The following ABCC6 variants were observed in gnomAD, a reference collection of about 807,000 sequenced individuals.
ABCC6 encodes the protein ATP binding cassette subfamily C member 6, also known as ATP-binding cassette sub-family C member 6.
In ABCC6, 126 loss-of-function variants were observed where a neutral mutation model predicts 169.5. That is an observed-to-expected ratio of 0.74 (90% CI 0.64 to 0.86). The LOEUF (loss-of-function observed/expected upper bound fraction) is 0.86. Ranked by LOEUF, ABCC6 falls within the 40% of genes least tolerant of loss-of-function variation. The pLI, the probability that ABCC6 is intolerant of heterozygous loss-of-function variation, is 0.00. For missense variants in ABCC6, 1,733 were observed against 1,927.2 expected (o/e 0.90, Z 1.89); for synonymous variants, 752 against 814.7 (o/e 0.92, Z 1.31).
Position 16,165,647 on chromosome 16 carries a change from C to T in ABCC6, c.3282G>A (p.Leu1094=), listed in dbSNP as rs755301606. The T allele has an allele frequency of 5.0e-6, 8 of 1,612,920 alleles. No homozygotes were observed. The highest frequency in any genetic ancestry group is 4.0e-5 in the African/African-American group (3 of 75,058). Residue 1094 remains leucine (L), a synonymous_variant, in exon 23 of 31, where the codon CTG becomes CTA. Coordinates refer to ENST00000205557, the MANE Select transcript of ABCC6 (RefSeq NM_001171.6). ...CCTGAAACCCAGCGTAGAGGAGAAACAGTGGCAGGATGGCCACAGTGGCCA... is the reference window on the plus strand; with the variant it reads ...CCTGAAACCCAGCGTAGAGGAGAAATAGTGGCAGGATGGCCACAGTGGCCA... ...TPLATVAILP[L]FLLYAGFQSL... is the part of the protein sequence containing the mutation.
rs1356010293 is a variant in ABCC6, at chr16:16,190,337, C to T, written c.1462G>A (p.Ala488Thr). 5.0e-6 allele frequency: 8 copies of T among 1,614,040 alleles called. No individual in the cohort carries two copies. The Admixed American group carries it at 1.3e-4, about 27-fold the overall frequency. The change falls in exon 12 of 31, where the codon GCA (alanine) becomes ACA (threonine). Residue 488 changes from alanine (A) to threonine (T), a missense_variant. By Grantham distance (58) the Ala-to-Thr change is moderately conservative (BLOSUM62 0). Transcript: ENST00000205557. The stretch of plus-strand genomic sequence containing the variant: ...CTGAGGATAGAGCTGGTGAGCCGTG[C>T]CCGTGAGTCCTTCTGCCTCATTTGC... ...EEQMRQKDSR[A>T]RLTSSILRNS...
chr16:16,172,891 C>T (rs980418921), intron 21 of ABCC6, among the ~76,000 whole-genome samples: 4 of 151,824 alleles, frequency 2.6e-5, no homozygotes, highest in Non-Finnish European at 5.9e-5. Context: ...AAAATACAAA[C>T]ATTAGCTGGG....
intron 27 of ABCC6, chr16:16,155,281 CT>C: frequency 1.7e-6 from 1 of 587,400 alleles, no homozygotes; most frequent in Non-Finnish European, 3.0e-6. Flanking sequence ...CCCACCCTTC[CT>C]TTAGTTCCTC....
In ABCC6 at chr16:16,161,383, G is replaced by A. The variant is rs3213470; in HGVS notation, c.3633+55C>T. On this transcript the variant is annotated intron_variant, in intron 25 of 30. Transcript: ENST00000205557. ...TCAAAGGTCCCACTAGCAGGGGTCC[G>A]ACAGTCTCTGCCTCTGTCTGTCCCT... 413,302 of 1,611,430 alleles carry A rather than the reference G, an allele frequency of 0.26. 58,339 individuals are homozygous for A. The highest frequency in any genetic ancestry group is 0.49 in the South Asian group (44,463 of 90,972).
In ABCC6 at chr16:16,177,490, A is replaced by G. The variant is rs72653799; in HGVS notation, c.2552T>C (p.Leu851Pro). ...LQRKGALMCLLDQARQPGDRG... is the reference protein window; with the variant it reads ...LQRKGALMCLPDQARQPGDRG... Reference sequence around the variant, plus strand: ...ATCTCCTGGCTGTCTGGCTTGATCCAGAAGACACATGAGGGCCCCCTTCCT... The same window carrying G: ...ATCTCCTGGCTGTCTGGCTTGATCCGGAAGACACATGAGGGCCCCCTTCCT... Residue 851 changes from leucine (L) to proline (P), a missense_variant, in exon 19 of 31, where the codon CTG (leucine) becomes CCG (proline). Physicochemically the swap from Leu to Pro is moderately conservative, Grantham distance 98. Around this residue, in one of 5 missense-constraint regions of ABCC6, gnomAD observed 1,601 missense variants for 1,635.5 expected, o/e 0.98. Transcript: ENST00000205557. 8 of 1,614,166 alleles carry G rather than the reference A, an allele frequency of 5.0e-6. No individual in the cohort carries two copies. The highest frequency in any genetic ancestry group is 4.5e-5 in the East Asian group (2 of 44,876).
Position 16,182,500 on chromosome 16 carries a change from G to C in ABCC6, c.2159C>G (p.Pro720Arg). 6.2e-7 allele frequency: 1 copy of C among 1,614,170 alleles called. No individual in the cohort carries two copies. Among genetic ancestry groups the C allele is most frequent in the East Asian group, 2.2e-5 (1 of 44,884 alleles). The change falls in exon 17 of 31, where the codon CCC (proline) becomes CGC (arginine). Residue 720 changes from proline (P) to arginine (R), a missense_variant. Transcript: ENST00000205557. ...GGCTTCTAGTACTCTCTCCAGCCAG[G>C]GTGGGTCCAGCTCCTGCCCGAAGCA... The part of the protein sequence containing the change: ...NVCFGQELDP[P>R]WLERVLEACA...
At chr16:16,178,592 A>G (rs2047365206) in intron 18 of ABCC6, among the ~76,000 whole-genome samples, 2 of 152,154 alleles carry the variant, frequency 1.3e-5, no homozygotes, top group Non-Finnish European at 2.9e-5. Flanking sequence ...TCACAGATCC[A>G]TAAGGAAGAA....
chr16:16,221,921 T>C (rs965780714), intron 1 of ABCC6, 90 bp from the exon 2 acceptor site: 13 of 1,605,468 alleles, frequency 8.1e-6, no homozygotes, highest in Non-Finnish European at 1.1e-5. Context: ...TTTTGGATCT[T>C]TAACATTTAC....
At chr16:16,150,542 G>T (rs1056108313) in intron 30 of ABCC6, 36 bp downstream of exon 30, 1 of 1,599,042 alleles carries the variant, frequency 6.3e-7, no homozygotes, top group Admixed American at 1.7e-5. Context: ...ACCACTGCAG[G>T]GCTGCTGTGA....
In ABCC6 at chr16:16,219,708, C is replaced by G. The variant is rs1301469264; in HGVS notation, c.346-26G>C. On this transcript the variant is annotated intron_variant, in intron 3 of 30. Transcript: ENST00000205557. ...CTGGACGGGAAAGTCAGGGAGGCCC[C>G]TTAGGGGAGGGTGGGAGGCTGAGGG... is the stretch of plus-strand genomic sequence containing the variant. The G allele has an allele frequency of 6.5e-6, 7 of 1,071,652 alleles. No individual in the cohort carries two copies. In the Middle Eastern group the frequency reaches 9.0e-4, roughly 137 times the overall value. 66.4% of individuals were successfully genotyped at this position (1,071,652 alleles called of 1,614,324 possible). A position where few individuals can be genotyped will look rare whatever the true frequency, so the allele number is the denominator to read the frequency against.
intron 5 of ABCC6, among the ~76,000 whole-genome samples, chr16:16,213,534 C>G (rs2048720776): frequency 6.6e-6 from 1 of 151,422 alleles, no homozygotes; most frequent in African/African-American, 2.4e-5. Context: ...AGCACTTACC[C>G]CAAGGGTAAT....
At chr16:16,154,852 C>A in intron 28 of ABCC6, 21 bp downstream of exon 28, 1 of 1,611,142 alleles carries the variant, frequency 6.2e-7, no homozygotes, top group South Asian at 1.1e-5. Flanking sequence ...CATCTTTGCC[C>A]ACCCCCTCCA....
At chr16:16,164,723 T>C (rs930724011) in intron 23 of ABCC6, among the ~76,000 whole-genome samples, 4 of 152,182 alleles carry the variant, frequency 2.6e-5, no homozygotes, top group Admixed American at 6.5e-5. Context: ...CTTGGAGGGT[T>C]AATTAAAACC....
At position 16,154,924 on chromosome 16, in the gene ABCC6, A is replaced by G. The variant is rs1462459427; in HGVS notation, c.3990T>C (p.Ile1330=). 3 of 1,607,732 alleles carry G rather than the reference A, an allele frequency of 1.9e-6. No homozygotes were observed. The highest frequency in any genetic ancestry group is 1.1e-5 in the South Asian group (1 of 89,746). The change falls in exon 28 of 31, where the codon ATT becomes ATC. Residue 1330 remains isoleucine, a synonymous_variant. Transcript: ENST00000205557. Reference sequence around the variant, plus strand: ...GCAGTGTGTGCAGCCCCACGTGGGCAATGGGGACCCCGTCGATCCAGATCC... The same window carrying G: ...GCAGTGTGTGCAGCCCCACGTGGGCGATGGGGACCCCGTCGATCCAGATCC... ...EGGIWIDGVP[I]AHVGLHTLRS... is the part of the protein sequence containing the mutation.
intron 4 of ABCC6, among the ~76,000 whole-genome samples, chr16:16,214,811 T>C (rs542829782): frequency 6.6e-6 from 1 of 152,288 alleles, no homozygotes; most frequent in South Asian, 2.1e-4. Context: ...GGTTTTGCCA[T>C]GTTGGCCAGG....
chr16:16,165,755 G>A lies in ABCC6; in HGVS notation c.3174C>T (p.Asp1058=), dbSNP rs2152228284. The A allele has an allele frequency of 1.2e-6, 2 of 1,613,832 alleles. No individual in the cohort carries two copies. The highest frequency in any genetic ancestry group is 1.7e-6 in the Non-Finnish European group (2 of 1,180,044). Residue 1058 remains aspartate, a synonymous_variant, in exon 23 of 31, where the codon GAC becomes GAT. Coordinates refer to ENST00000205557, the MANE Select transcript of ABCC6 (RefSeq NM_001171.6). ...FSKETDTVDV[D]IPDKLRSLLM... is the part of the protein sequence containing the mutation. ...GCAGGGACCGGAGTTTGTCTGGAAT[G>A]TCCACGTCAACCGTGTCTGTCTCCT...
intron 29 of ABCC6, among the ~76,000 whole-genome samples, chr16:16,153,437 A>G (rs147501126): frequency 5.3e-4 from 81 of 152,322 alleles, no homozygotes; most frequent in African/African-American, 1.9e-3. Context: ...TAAGCCAGTC[A>G]CAAAAGGACA....
chr16:16,154,594 C>G (rs753168936), intron 29 of ABCC6, 34 bp downstream of exon 29: 1 of 1,611,172 alleles, frequency 6.2e-7, no homozygotes, highest in South Asian at 1.1e-5. Context: ...TCCTCTCCCA[C>G]CTGCAGGTCC....
In ABCC6 at chr16:16,221,400, T is replaced by A. The variant is rs1475003369; in HGVS notation, c.219+249A>T. 9.2e-6 allele frequency: 13 copies of A among 1,415,112 alleles called. No individual in the cohort carries two copies. In the African/African-American group the frequency reaches 1.2e-4, roughly 13 times the overall value. The allele number at this position is 1,415,112 out of a possible 1,614,324, so 87.7% of individuals were successfully genotyped here. ...GCCAGGTTATGGTAGCTATAAACTG[T>A]CCAGGAACATGGGAGTGTATGCGTA... On this transcript the variant is annotated intron_variant, in intron 2 of 30. Transcript: ENST00000205557.
Sources: allele counts gnomAD v4.1 joint callset (sites outside exome capture counted in the v4.1 genomes callset), GRCh38; gene constraint gnomAD v4.1.1; regional missense constraint gnomAD v4.1.1; transcripts MANE v1.5; gene names NCBI Gene and HGNC (gene_info 2026-07-23, HGNC 2026-07-21).